CAMSAP3: variants seen among roughly 807,000 people sequenced by gnomAD.
CAMSAP3 encodes the protein calmodulin regulated spectrin associated protein family member 3, also known as calmodulin-regulated spectrin-associated protein 3.
A neutral mutation model predicts 112.5 loss-of-function variants in CAMSAP3; 34 were observed. The observed-to-expected ratio is 0.30, with a 90% confidence interval of 0.23 to 0.40. The LOEUF is 0.40. CAMSAP3 is among the 10% of genes least tolerant of loss of function. The pLI, the probability that CAMSAP3 is intolerant of heterozygous loss-of-function variation, is 1.00. For synonymous variants in CAMSAP3, 868 were observed against 799.8 expected (o/e 1.09, Z -1.44); for missense variants, 1,602 against 1,770.3 (o/e 0.90, Z 1.71).
At chr19:7,608,008 G>C in intron 4 of CAMSAP3, 118 bp from the exon 5 acceptor site, 1 of 1,287,586 alleles carries the variant, frequency 7.8e-7, no homozygotes. Flanking sequence ...TCTGTCTCTG[G>C]GACCCCCAGC....
chr19:7,614,259 C>CAAAAAAAAAAAAAAAAAAAAAAAAA (rs1173068955), intron 11 of CAMSAP3, among the ~76,000 whole-genome samples: 2 of 18,766 alleles, frequency 1.1e-4, no homozygotes, highest in Non-Finnish European at 1.8e-4. Context: ...GACTCCATCT[C>CAAAAAAAAAAAAAAAAAAAAAAAAA]AAAAAAAAAA....
In CAMSAP3 at chr19:7,612,745, G is replaced by A; in HGVS notation, c.2252G>A (p.Gly751Glu). The stretch of plus-strand genomic sequence containing the variant: ...TGGGTCATCCCTGGCCCCACGACGG[G>A]GCCCAAAGCTGCATCCCCCAGCCCC... ...AAWVIPGPTTGPKAASPSPAR... is the reference protein window; with the variant it reads ...AAWVIPGPTTEPKAASPSPAR... Residue 751 changes from glycine to glutamate, a missense_variant, in exon 11 of 17, where the codon GGG (glycine) becomes GAG (glutamate). By Grantham distance (98) the Gly-to-Glu change is moderately conservative. Around this residue, in one of 6 missense-constraint regions of CAMSAP3, gnomAD observed 1,100 missense variants for 1,135.7 expected, o/e 0.97. Transcript: ENST00000160298. The A allele has an allele frequency of 1.3e-6, 2 of 1,532,208 alleles. No individual in the cohort carries two copies. The highest frequency in any genetic ancestry group is 1.7e-6 in the Non-Finnish European group (2 of 1,144,730). The allele number at this position is 1,532,208 out of a possible 1,614,324, so 94.9% of individuals were successfully genotyped here.
At position 7,596,149 on chromosome 19, in the gene CAMSAP3, A is replaced by C; in HGVS notation, c.147A>C (p.Ala49=). ...TGCTGCGGGCCGCGTTCGGGGGCGC[A>C]GGTACCGGGGCTCGGGGGACCGGGG... The part of the protein sequence containing the change: ...AWVLRAAFGG[A]EHVPPELWEP... Residue 49 remains alanine, a splice_region_variant and synonymous_variant, in exon 1 of 17, where the codon GCA becomes GCC. Coordinates refer to ENST00000160298, the MANE Select transcript of CAMSAP3 (RefSeq NM_020902.2). The C allele has an allele frequency of 1.5e-6, 1 of 671,594 alleles. No homozygotes were observed. Among genetic ancestry groups the C allele is most frequent in the Non-Finnish European group, 1.9e-6 (1 of 535,448 alleles). 41.6% of individuals were successfully genotyped at this position (671,594 alleles called of 1,614,324 possible).
At position 7,605,038 on chromosome 19, in the gene CAMSAP3, C is replaced by G. The variant is rs181230533; in HGVS notation, c.149-188C>G. 2.7e-3 allele frequency among the ~76,000 whole-genome samples: 417 copies of G among 152,196 alleles called. 1 individual carries two copies. Among genetic ancestry groups the G allele is most frequent in the Non-Finnish European group, 4.9e-3 (331 of 67,984 alleles). On this transcript the variant is annotated intron_variant, in intron 1 of 16. Coordinates refer to ENST00000160298, the MANE Select transcript of CAMSAP3 (RefSeq NM_020902.2). The stretch of plus-strand genomic sequence containing the variant: ...GCCCCTCTGCCTACAACGCCATCAC[C>G]CCTTCCTCCAGCAAACTCCTGCACA...
Position 7,611,576 on chromosome 19 carries a change from C to T in CAMSAP3, c.1183C>T (p.Arg395Trp), listed in dbSNP as rs180741228. ...HMEALGKAWN[R>W]QLSRPLSQAV... ...GGAGGCCCTGGGCAAGGCCTGGAACCGGCAGCTCAGGTGAGTAGACCTCAC... is the reference window on the plus strand; with the variant it reads ...GGAGGCCCTGGGCAAGGCCTGGAACTGGCAGCTCAGGTGAGTAGACCTCAC... Residue 395 changes from arginine to tryptophan, a missense_variant, in exon 10 of 17, where the codon CGG becomes TGG. Around this residue, in one of 6 missense-constraint regions of CAMSAP3, gnomAD observed 1,100 missense variants for 1,135.7 expected, o/e 0.97. Transcript: ENST00000160298. The surrounding 1 kb of genome is among the most constrained non-coding windows in gnomAD (Gnocchi z 6.9). The T allele has an allele frequency of 6.3e-4, 1,018 of 1,612,360 alleles. 3 individuals are homozygous for T. Among genetic ancestry groups the T allele is most frequent in the Middle Eastern group, 4.1e-3 (25 of 6,058 alleles).
At chr19:7,598,881 C>T (rs963271567) in intron 1 of CAMSAP3, among the ~76,000 whole-genome samples, 2 of 152,116 alleles carry the variant, frequency 1.3e-5, no homozygotes, top group Non-Finnish European at 2.9e-5. Context: ...GAGGGAAACT[C>T]AAGTTCATGT....
At chr19:7,605,954 T>G (rs2030193101) in intron 2 of CAMSAP3, among the ~76,000 whole-genome samples, 1 of 151,930 alleles carries the variant, frequency 6.6e-6, no homozygotes, top group African/African-American at 2.4e-5. Flanking sequence ...CCATCAAGCC[T>G]GGCCCCTCCC....
rs185048709 is a variant in CAMSAP3 at position 7,612,739 on chromosome 19, C to T, written c.2246C>T (p.Thr749Met). Residue 749 changes from threonine (T) to methionine (M), a missense_variant, in exon 11 of 17, where the codon ACG becomes ATG. By Grantham distance (81) the Thr-to-Met change is moderately conservative (BLOSUM62 -1). Transcript: ENST00000160298. Reference sequence around the variant, plus strand: ...GCTGCGTGGGTCATCCCTGGCCCCACGACGGGGCCCAAAGCTGCATCCCCC... The same window carrying T: ...GCTGCGTGGGTCATCCCTGGCCCCATGACGGGGCCCAAAGCTGCATCCCCC... ...PPAAWVIPGP[T>M]TGPKAASPSP... 2 of 1,531,754 alleles carry T rather than the reference C, an allele frequency of 1.3e-6. No individual in the cohort carries two copies. The highest frequency in any genetic ancestry group is 2.5e-5 in the East Asian group (1 of 40,682). 94.9% of individuals were successfully genotyped at this position (1,531,754 alleles called of 1,614,324 possible).
intron 5 of CAMSAP3, among the ~76,000 whole-genome samples, chr19:7,609,405 C>T (rs1008398244): frequency 2.0e-5 from 3 of 151,940 alleles, no homozygotes; most frequent in African/African-American, 4.8e-5. Flanking sequence ...CAAACATCCT[C>T]CCACCTCAGC....
rs1394405293 is a variant in CAMSAP3 at position 7,615,559 on chromosome 19, C to T, written c.2952C>T (p.Arg984=). The T allele has an allele frequency of 2.0e-6, 3 of 1,519,224 alleles. No homozygotes were observed. The highest frequency in any genetic ancestry group is 2.6e-6 in the Non-Finnish European group (3 of 1,134,532). 94.1% of individuals were successfully genotyped at this position (1,519,224 alleles called of 1,614,324 possible). ...KGDFTRQEYE[R]RAQLKLMDDL... ...ACTTCACGCGGCAGGAGTACGAGCG[C>T]CGGGCCCAGCTGAAGCTGATGGACG... The change falls in exon 13 of 17, where the codon CGC becomes CGT. Residue 984 remains arginine, a synonymous_variant. Coordinates refer to ENST00000160298, the MANE Select transcript of CAMSAP3 (RefSeq NM_020902.2). The surrounding 1 kb of genome is among the most constrained non-coding windows in gnomAD (Gnocchi z 6.5).
intron 3 of CAMSAP3, 35 bp from the exon 4 acceptor site, chr19:7,606,441 G>A: frequency 1.2e-6 from 2 of 1,610,454 alleles, no homozygotes; most frequent in Non-Finnish European, 1.7e-6. Context: ...GCATCGTCCA[G>A]TGGCCAGACC....
Position 7,615,112 on chromosome 19 carries a change from G to C in CAMSAP3, c.2671-71G>C. ...CACAGGTGGGTGGCGGGCAGGCTGG[G>C]TGGAGGGAAGATGGGCCTCCAGCCA... On this transcript the variant is annotated intron_variant, in intron 11 of 16. Transcript: ENST00000160298. This position sits in a 1 kb window ranked among gnomAD's most constrained non-coding sequence, Gnocchi z 6.5. The C allele has an allele frequency of 6.5e-7, 1 of 1,534,430 alleles. No homozygotes were observed.
intron 5 of CAMSAP3, among the ~76,000 whole-genome samples, chr19:7,608,667 C>G (rs1326345687): frequency 6.9e-6 from 1 of 145,400 alleles, no homozygotes; most frequent in East Asian, 2.0e-4. Flanking sequence ...GGGAGTCTTG[C>G]TCTGTTGCCC....
Position 7,617,650 on chromosome 19 carries a change from C to T in CAMSAP3, c.3433C>T (p.Arg1145Cys), listed in dbSNP as rs1313672414. The T allele has an allele frequency of 2.5e-6, 4 of 1,614,136 alleles. No homozygotes were observed. Among genetic ancestry groups the T allele is most frequent in the Non-Finnish European group, 2.5e-6 (3 of 1,179,992 alleles). Residue 1145 changes from arginine (R) to cysteine (C), a missense_variant, in exon 16 of 17, where the codon CGC becomes TGC. By Grantham distance (180) the Arg-to-Cys change is radical. Coordinates refer to ENST00000160298, the MANE Select transcript of CAMSAP3 (RefSeq NM_020902.2). The surrounding 1 kb of genome is among the most constrained non-coding windows in gnomAD (Gnocchi z 7.5). Reference sequence around the variant, plus strand: ...CAAGGTGAACGAACCGCAGAAGAATCGCATTCTGGAGGTGAGCCCGCCCAC... The same window carrying T: ...CAAGGTGAACGAACCGCAGAAGAATTGCATTCTGGAGGTGAGCCCGCCCAC... ...AGKVNEPQKNRILEEIEKSKA... is the reference protein window; with the variant it reads ...AGKVNEPQKNCILEEIEKSKA...
intron 1 of CAMSAP3, among the ~76,000 whole-genome samples, chr19:7,601,381 C>T (rs2029959518): frequency 6.6e-6 from 1 of 152,040 alleles, no homozygotes; most frequent in Non-Finnish European, 1.5e-5. Flanking sequence ...TGCCGGGGCA[C>T]AATCTCGGCT....
chr19:7,599,750 A>G (rs1227348839), intron 1 of CAMSAP3, among the ~76,000 whole-genome samples: 10 of 48,374 alleles, frequency 2.1e-4, no homozygotes, highest in Non-Finnish European at 3.6e-4. Context: ...CATCCATCCA[A>G]CCACGCACTC....
chr19:7,607,892 T>C lies in CAMSAP3; in HGVS notation c.622-234T>C, dbSNP rs1272056521. Reference sequence around the variant, plus strand: ...TGGTAATGTATCCCCCGCCCCGGGGTCCCAGGAGTCCCTGTCCCCAGCCCC... The same window carrying C: ...TGGTAATGTATCCCCCGCCCCGGGGCCCCAGGAGTCCCTGTCCCCAGCCCC... On this transcript the variant is annotated intron_variant, in intron 4 of 16. Coordinates refer to ENST00000160298, the MANE Select transcript of CAMSAP3 (RefSeq NM_020902.2). The surrounding 1 kb of genome is among the most constrained non-coding windows in gnomAD (Gnocchi z 4.9). 1.1e-6 allele frequency: 1 copy of C among 910,058 alleles called. No homozygotes were observed. The highest frequency in any genetic ancestry group is 1.5e-5 in the South Asian group (1 of 66,332). 56.4% of individuals were successfully genotyped at this position (910,058 alleles called of 1,614,324 possible).
Position 7,607,765 on chromosome 19 carries a change from G to A in CAMSAP3, c.622-361G>A. 4.9e-6 allele frequency: 3 copies of A among 606,964 alleles called. No individual in the cohort carries two copies. Among genetic ancestry groups the A allele is most frequent in the Middle Eastern group, 4.5e-4 (1 of 2,202 alleles). 37.6% of individuals were successfully genotyped at this position (606,964 alleles called of 1,614,324 possible). On this transcript the variant is annotated intron_variant, in intron 4 of 16. Coordinates refer to ENST00000160298, the MANE Select transcript of CAMSAP3 (RefSeq NM_020902.2). This position sits in a 1 kb window ranked among gnomAD's most constrained non-coding sequence, Gnocchi z 4.9. ...CCCCTCCCCCCCAAGGTGGGCTTGG[G>A]GGCCCAGCAGGTCAGCACCCCTCCC... is the stretch of plus-strand genomic sequence containing the variant.
intron 2 of CAMSAP3, 133 bp downstream of exon 2, chr19:7,605,612 C>G: frequency 9.5e-7 from 1 of 1,056,956 alleles, no homozygotes; most frequent in African/African-American, 1.7e-5. Flanking sequence ...GTCGATTAAG[C>G]CTAGCTCCTC....
Sources: allele counts gnomAD v4.1 joint callset (sites outside exome capture counted in the v4.1 genomes callset), GRCh38; gene constraint gnomAD v4.1.1; regional missense constraint gnomAD v4.1.1; non-coding constraint Gnocchi (gnomAD v3.1); transcripts MANE v1.5; gene names NCBI Gene and HGNC (gene_info 2026-07-23, HGNC 2026-07-21).